The following PCDH15 variants were observed in gnomAD, a reference collection of about 807,000 sequenced individuals.
PCDH15 encodes protocadherin related 15.
PCDH15 carries 129 observed loss-of-function variants against 178.5 expected under a neutral mutation model. That is an observed-to-expected ratio of 0.72 (90% CI 0.63 to 0.84). PCDH15 has a LOEUF of 0.84. Ranked by LOEUF, PCDH15 falls within the 40% of genes least tolerant of loss-of-function variation. The pLI is 0.00. For missense variants in PCDH15, 2,230 were observed against 2,099.9 expected (o/e 1.06, Z -1.21); for synonymous variants, 800 against 732.0 (o/e 1.09, Z -1.50).
intron 2 of PCDH15, among the ~76,000 whole-genome samples, chr10:54,950,407 A>G (rs61856265): frequency 0.16 from 24,608 of 151,862 alleles, 2,214 homozygotes; most frequent in East Asian, 0.24. Flanking sequence ...AGCTGTTCTC[A>G]TGATAGTGAA....
intron 1 of PCDH15, among the ~76,000 whole-genome samples, chr10:54,717,381 C>T (rs1337435252): frequency 1.5e-5 from 2 of 131,152 alleles, no homozygotes; most frequent in Admixed American, 7.9e-5. Context: ...GGCTAATATC[C>T]AGAATCTACA....
intron 3 of PCDH15, among the ~76,000 whole-genome samples, chr10:54,829,503 G>T (rs2133749499): frequency 6.6e-6 from 1 of 152,084 alleles, no homozygotes; most frequent in Admixed American, 6.6e-5. Flanking sequence ...ACTTATCCTG[G>T]TTATTCAGTG....
At position 54,404,678 on chromosome 10, in the gene PCDH15, T is replaced by C. The variant is rs7907172; in HGVS notation, c.158-25736A>G. 8.3e-3 allele frequency among the ~76,000 whole-genome samples: 1,266 copies of C among 151,994 alleles called. 17 individuals are homozygous for C. The highest frequency in any genetic ancestry group is 0.029 in the African/African-American group (1,198 of 41,486). ...ATCTAATTAAGCTAAACAGGTTCTGTACAACAAAAGAAACCATCAACAGAG... is the reference window on the plus strand; with the variant it reads ...ATCTAATTAAGCTAAACAGGTTCTGCACAACAAAAGAAACCATCAACAGAG... On this transcript the variant is annotated intron_variant, in intron 3 of 37. Transcript: ENST00000644397.
chr10:55,596,453 G>A (rs1434779522), intron 2 of PCDH15, among the ~76,000 whole-genome samples: 2 of 152,022 alleles, frequency 1.3e-5, no homozygotes, highest in Non-Finnish European at 2.9e-5. Context: ...GCACCATTGT[G>A]TCTTTGTAAT....
intron 5 of PCDH15, among the ~76,000 whole-genome samples, chr10:54,347,680 A>T (rs531347896): frequency 6.6e-6 from 1 of 151,848 alleles, no homozygotes; most frequent in African/African-American, 2.4e-5. Context: ...AATAGATAGA[A>T]CATGCCCTCT....
intron 2 of PCDH15, among the ~76,000 whole-genome samples, chr10:55,420,352 G>C (rs1360791050): frequency 6.6e-6 from 1 of 151,570 alleles, no homozygotes; most frequent in African/African-American, 2.4e-5. Context: ...CTTACTCTCT[G>C]ACATTTTACA....
In PCDH15 at chr10:54,769,240, G is replaced by A. The variant is rs181034537; in HGVS notation, c.-29+31685C>T. 3.5e-3 allele frequency among the ~76,000 whole-genome samples: 538 copies of A among 151,634 alleles called. 2 individuals are homozygous for A. The highest frequency in any genetic ancestry group is 0.011 in the African/African-American group (471 of 41,314). ...CACAGCCATAGATAAAGTTAACAGC[G>A]ACCTGGTGTCACTGCTCACTCCAGG... On this transcript the variant is annotated intron_variant, in intron 1 of 37. Transcript: ENST00000644397.
chr10:54,077,836 G>A (rs1439542563), intron 17 of PCDH15, among the ~76,000 whole-genome samples: 1 of 152,190 alleles, frequency 6.6e-6, no homozygotes, highest in Non-Finnish European at 1.5e-5. Flanking sequence ...GCCAAGGAGG[G>A]TGGATCATCT....
At chr10:54,960,733 T>G (rs1284678969) in intron 2 of PCDH15, among the ~76,000 whole-genome samples, 2 of 152,222 alleles carry the variant, frequency 1.3e-5, no homozygotes, top group Non-Finnish European at 2.9e-5. Context: ...AATAGATGAC[T>G]GAATGCTTTT....
At chr10:54,843,405 T>A (rs1953452607) in intron 3 of PCDH15, among the ~76,000 whole-genome samples, 2 of 151,954 alleles carry the variant, frequency 1.3e-5, no homozygotes, top group Admixed American at 6.6e-5. Flanking sequence ...CGAGCTGGAG[T>A]TTAATGCCAA....
intron 15 of PCDH15, among the ~76,000 whole-genome samples, chr10:54,111,352 A>C (rs958373259): frequency 6.6e-6 from 1 of 152,208 alleles, no homozygotes; most frequent in Admixed American, 6.5e-5. Context: ...CCAGAATTCA[A>C]ATTAGTCTTT....
At chr10:55,467,966 C>CAAAAAAAAAAAAAA (rs71463104) in intron 2 of PCDH15, among the ~76,000 whole-genome samples, 27 of 36,638 alleles carry the variant, frequency 7.4e-4, no homozygotes, top group African/African-American at 2.1e-3. Context: ...GACTCCGTCT[C>CAAAAAAAAAAAAAA]AAAAAAAAAA....
chr10:54,353,904 T>C (rs1944551058), intron 5 of PCDH15, among the ~76,000 whole-genome samples: 1 of 152,218 alleles, frequency 6.6e-6, no homozygotes, highest in Non-Finnish European at 1.5e-5. Context: ...CAGAGAATGA[T>C]AAATAACTCT....
At chr10:54,353,105 G>A (rs1015858665) in intron 5 of PCDH15, among the ~76,000 whole-genome samples, 1 of 151,992 alleles carries the variant, frequency 6.6e-6, no homozygotes, top group Admixed American at 6.6e-5. Context: ...CTGAATCTAC[G>A]ATTATTTATT....
intron 2 of PCDH15, among the ~76,000 whole-genome samples, chr10:54,628,506 A>T (rs1409032109): frequency 1.3e-5 from 2 of 152,188 alleles, no homozygotes; most frequent in African/African-American, 4.8e-5. Context: ...GGAAGCAGAC[A>T]AACCTTAAAC....
At chr10:55,578,342 T>C (rs1194557655) in intron 2 of PCDH15, among the ~76,000 whole-genome samples, 3 of 151,972 alleles carry the variant, frequency 2.0e-5, no homozygotes, top group African/African-American at 4.8e-5. Context: ...CTCAGCCTCC[T>C]GAGTAGCTGG....
At chr10:54,269,597 C>G (rs952378393) in intron 8 of PCDH15, among the ~76,000 whole-genome samples, 1 of 151,840 alleles carries the variant, frequency 6.6e-6, no homozygotes, top group African/African-American at 2.4e-5. Flanking sequence ...CAGGTATACT[C>G]TCAGGTGTTA....
intron 2 of PCDH15, among the ~76,000 whole-genome samples, chr10:54,963,403 A>C (rs1838706868): frequency 6.6e-6 from 1 of 152,108 alleles, no homozygotes; most frequent in African/African-American, 2.4e-5. Flanking sequence ...TTCTCACTAA[A>C]ATATCTGTAT....
At chr10:54,888,882 G>A (rs1954409915) in intron 3 of PCDH15, among the ~76,000 whole-genome samples, 1 of 150,170 alleles carries the variant, frequency 6.7e-6, no homozygotes, top group Admixed American at 6.6e-5. Flanking sequence ...GTGTTATTTG[G>A]AAAAAACTTT....
Sources: gnomAD v4.1 joint callset for allele counts (sites outside exome capture counted in the v4.1 genomes callset) on GRCh38, gnomAD v4.1.1 for gene constraint, MANE v1.5 for transcripts, NCBI Gene and HGNC (gene_info 2026-07-23, HGNC 2026-07-21) for gene names.